ZNF827: variants seen among roughly 807,000 people sequenced by gnomAD.
ZNF827 encodes zinc finger protein 827.
Under a neutral mutation model 102.4 loss-of-function variants are expected in ZNF827, and 13 were observed. That is an observed-to-expected ratio of 0.13 (90% CI 0.08 to 0.20). The LOEUF is 0.20. ZNF827 is among the 10% of genes least tolerant of loss of function. The pLI, the probability that ZNF827 is intolerant of heterozygous loss-of-function variation, is 1.00. For missense variants in ZNF827, 1,103 were observed against 1,344.4 expected (o/e 0.82, Z 2.81); for synonymous variants, 523 against 536.2 (o/e 0.98, Z 0.34).
intron 8 of ZNF827, among the ~76,000 whole-genome samples, chr4:145,817,076 T>C (rs1742657900): frequency 6.6e-6 from 1 of 152,240 alleles, no homozygotes. Flanking sequence ...TGCAGCTTGA[T>C]GAATTTTCAC....
At chr4:145,808,713 A>G (rs1329937329) in intron 8 of ZNF827, among the ~76,000 whole-genome samples, 1 of 152,196 alleles carries the variant, frequency 6.6e-6, no homozygotes, top group Non-Finnish European at 1.5e-5. Flanking sequence ...TTTTCCCAAC[A>G]TTTTCATTGA....
chr4:145,836,742 C>T (rs1156974803), intron 7 of ZNF827, among the ~76,000 whole-genome samples: 21 of 152,118 alleles, frequency 1.4e-4, no homozygotes, highest in African/African-American at 4.8e-4. Flanking sequence ...ATGGCGGTTC[C>T]ACCAGGCCTA....
At chr4:145,801,585 G>A (rs958652566) in intron 8 of ZNF827, among the ~76,000 whole-genome samples, 5 of 152,172 alleles carry the variant, frequency 3.3e-5, no homozygotes, top group African/African-American at 4.8e-5. Context: ...TGGGACTCTA[G>A]AGTCAGGAAG....
intron 11 of ZNF827, among the ~76,000 whole-genome samples, chr4:145,767,923 G>A (rs1171333633): frequency 6.6e-6 from 1 of 152,006 alleles, no homozygotes; most frequent in Non-Finnish European, 1.5e-5. Context: ...TGAAGAGGCT[G>A]GAAATAATAA....
intron 4 of ZNF827, among the ~76,000 whole-genome samples, chr4:145,877,930 A>G (rs1749289071): frequency 6.6e-6 from 1 of 152,202 alleles, no homozygotes; most frequent in Admixed American, 6.5e-5. Flanking sequence ...ACGGCCAAAG[A>G]ATGAAATGTA....
In ZNF827 at chr4:145,938,413, C is replaced by T. The variant is rs1754393382; in HGVS notation, c.-6G>A. Reference sequence around the variant, plus strand: ...TCCTGCTTCCTCCTGGGCATTTTCCCCCTTTTCTCACATTCTCCTCCTTGG... The same window carrying T: ...TCCTGCTTCCTCCTGGGCATTTTCCTCCTTTTCTCACATTCTCCTCCTTGG... On this transcript the variant is annotated 5_prime_UTR_variant, in exon 1 of 15. Coordinates refer to ENST00000508784, the MANE Select transcript of ZNF827 (RefSeq NM_001306215.2). The T allele has an allele frequency of 1.9e-6, 3 of 1,611,574 alleles. No individual in the cohort carries two copies. Among genetic ancestry groups the T allele is most frequent in the Non-Finnish European group, 2.5e-6 (3 of 1,179,542 alleles).
chr4:145,849,615 G>C (rs1421594986), intron 5 of ZNF827, 54 bp from the exon 6 acceptor site: 1 of 1,603,324 alleles, frequency 6.2e-7, no homozygotes, highest in Non-Finnish European at 8.5e-7. Context: ...TTAATTCCAA[G>C]CTAGACCCAG....
chr4:145,850,560 C>A (rs1746432808), intron 5 of ZNF827, among the ~76,000 whole-genome samples: 1 of 151,962 alleles, frequency 6.6e-6, no homozygotes, highest in Admixed American at 6.6e-5. Flanking sequence ...GGTCTTTAGT[C>A]TGAAACACAT....
At chr4:145,911,899 G>A (rs1322581859) in intron 1 of ZNF827, among the ~76,000 whole-genome samples, 1 of 152,184 alleles carries the variant, frequency 6.6e-6, no homozygotes, top group Non-Finnish European at 1.5e-5. Context: ...CTGGAGCTAT[G>A]ATAGATGTTT....
intron 8 of ZNF827, among the ~76,000 whole-genome samples, chr4:145,785,737 C>T (rs1738763072): frequency 6.6e-6 from 1 of 152,200 alleles, no homozygotes; most frequent in Non-Finnish European, 1.5e-5. Flanking sequence ...AGAGCAGAGA[C>T]AGACCCACGG....
At chr4:145,870,062 T>C in intron 5 of ZNF827, among the ~76,000 whole-genome samples, 183 bp downstream of exon 5, 1 of 152,334 alleles carries the variant, frequency 6.6e-6, no homozygotes, top group African/African-American at 2.4e-5. Flanking sequence ...ACACAGCTAA[T>C]ATACACAAAC....
At chr4:145,903,267 G>A in intron 1 of ZNF827, 52 bp from the exon 2 acceptor site, 1 of 1,533,106 alleles carries the variant, frequency 6.5e-7, no homozygotes, top group South Asian at 1.3e-5. Context: ...CAATAAGTAA[G>A]TCTCAAGACA....
At chr4:145,885,383 A>T (rs182176176) in intron 4 of ZNF827, among the ~76,000 whole-genome samples, 1 of 152,086 alleles carries the variant, frequency 6.6e-6, no homozygotes, top group Admixed American at 6.6e-5. Flanking sequence ...CCATGTGACC[A>T]TTCCCCCCTA....
intron 7 of ZNF827, among the ~76,000 whole-genome samples, chr4:145,833,795 AATCCCTTATTTCCATGCCCCG>A (rs1744522061): frequency 7.0e-6 from 1 of 143,404 alleles, no homozygotes; most frequent in African/African-American, 2.7e-5. Context: ...TCTGTGCCCC[AATCCCTTATTTCCATGCCCCG>A]ACCTCTTATT....
intron 8 of ZNF827, among the ~76,000 whole-genome samples, chr4:145,813,352 T>C (rs1174809917): frequency 1.3e-5 from 2 of 152,222 alleles, no homozygotes; most frequent in Admixed American, 6.5e-5. Context: ...TTATAGTATG[T>C]TGTTATTAAA....
chr4:145,816,535 C>T (rs189777772), intron 8 of ZNF827, among the ~76,000 whole-genome samples: 1 of 152,338 alleles, frequency 6.6e-6, no homozygotes, highest in African/African-American at 2.4e-5. Flanking sequence ...ACATAGCTGA[C>T]AGTGCCTAAT....
At chr4:145,884,420 T>C (rs1011864308) in intron 4 of ZNF827, among the ~76,000 whole-genome samples, 2 of 152,142 alleles carry the variant, frequency 1.3e-5, no homozygotes, top group African/African-American at 4.8e-5. Context: ...TAAAGGAAGG[T>C]GGTGACCAAT....
intron 8 of ZNF827, among the ~76,000 whole-genome samples, chr4:145,781,393 GGAA>G (rs1174510994): frequency 6.6e-6 from 1 of 152,028 alleles, no homozygotes; most frequent in Non-Finnish European, 1.5e-5. Flanking sequence ...TGCCAGATAG[GGAA>G]GAAGAAACAA....
chr4:145,779,514 G>A lies in ZNF827; in HGVS notation c.2384-3C>T. On this transcript the variant is annotated splice_polypyrimidine_tract_variant and splice_region_variant and intron_variant, in intron 8 of 14. Transcript: ENST00000508784. The stretch of plus-strand genomic sequence containing the variant: ...CTCTAGGACTATCTTTTCTGTTTCT[G>A]GGTCAAAAGAACAAAGCATCATGAG... 1 of 1,612,136 alleles carries A rather than the reference G, an allele frequency of 6.2e-7. No homozygotes were observed.
Sources: gnomAD v4.1 joint callset for allele counts (sites outside exome capture counted in the v4.1 genomes callset) on GRCh38, gnomAD v4.1.1 for gene constraint, MANE v1.5 for transcripts, NCBI Gene and HGNC (gene_info 2026-07-23, HGNC 2026-07-21) for gene names.